Variants in CNTN6 observed in about 807,000 individuals in gnomAD.
The protein encoded by CNTN6 is contactin-6.
Under a neutral mutation model 122.8 loss-of-function variants are expected in CNTN6, and 137 were observed. The ratio of observed to expected loss-of-function variants is 1.12; its 90% CI spans 0.97 to 1.29. CNTN6 has a LOEUF of 1.29. CNTN6 is among the 50% of genes most tolerant of loss of function. CNTN6 has a pLI of 0.00. For synonymous variants in CNTN6, 570 were observed against 426.0 expected, an observed-to-expected ratio of 1.34 and a Z score of -4.16; for missense variants, 1,634 against 1,223.4, an observed-to-expected ratio of 1.34 and a Z score of -5.01.
chr3:1,129,499 T>C (rs2092276922), intron 1 of CNTN6, among the ~76,000 whole-genome samples: 1 of 152,080 alleles, frequency 6.6e-6, no homozygotes, highest in African/African-American at 2.4e-5. Context: ...TCCTGTTTTG[T>C]GACCTACAGT....
chr3:1,294,127 A>G (rs1460864268), intron 5 of CNTN6, among the ~76,000 whole-genome samples: 3 of 152,194 alleles, frequency 2.0e-5, no homozygotes, highest in Non-Finnish European at 4.4e-5. Flanking sequence ...ATAAAAATGT[A>G]TACAGACAGT....
At chr3:1,358,787 C>T (rs759912076) in intron 12 of CNTN6, among the ~76,000 whole-genome samples, 1 of 151,994 alleles carries the variant, frequency 6.6e-6, no homozygotes, top group East Asian at 1.9e-4. Flanking sequence ...TACAAAACTA[C>T]AGGCTGGGTG....
At chr3:1,154,940 G>T (rs555873893) in intron 2 of CNTN6, among the ~76,000 whole-genome samples, 21 of 152,142 alleles carry the variant, frequency 1.4e-4, no homozygotes, top group African/African-American at 4.8e-4. Flanking sequence ...TACCAAGATT[G>T]TTCTCTGCTT....
chr3:1,145,864 G>A (rs1339128932), intron 1 of CNTN6, among the ~76,000 whole-genome samples: 2 of 152,134 alleles, frequency 1.3e-5, no homozygotes, highest in Non-Finnish European at 2.9e-5. Context: ...TTGGATGTTT[G>A]TGAAATTGAA....
In CNTN6 at chr3:1,374,125, C is replaced by G. The variant is rs1036407159; in HGVS notation, c.2095+52C>G. The G allele has an allele frequency of 1.7e-5, 26 of 1,517,106 alleles. No homozygotes were observed. The African/African-American group carries it at 3.6e-4, about 21-fold the overall frequency. The allele number at this position is 1,517,106 out of a possible 1,614,324, so 94.0% of individuals were successfully genotyped here. A position where few individuals can be genotyped will look rare whatever the true frequency, so the allele number is the denominator to read the frequency against. On this transcript the variant is annotated intron_variant, in intron 16 of 22. Coordinates refer to ENST00000446702, the MANE Select transcript of CNTN6 (RefSeq NM_001289080.2). ...GTGGAAGATTTCGTATGATACAGTT[C>G]TTAAAACAAAACAAGTATTTTTATG...
At chr3:1,226,690 C>A (rs543603975) in intron 3 of CNTN6, among the ~76,000 whole-genome samples, 2 of 152,208 alleles carry the variant, frequency 1.3e-5, no homozygotes, top group South Asian at 4.1e-4. Flanking sequence ...TAAAAACACA[C>A]AGGTTTTCCT....
At chr3:1,399,158 T>C (rs556040992) in intron 20 of CNTN6, among the ~76,000 whole-genome samples, 1 of 152,262 alleles carries the variant, frequency 6.6e-6, no homozygotes, top group African/African-American at 2.4e-5. Context: ...ATTTGTATTT[T>C]CTCTGTATTG....
intron 4 of CNTN6, among the ~76,000 whole-genome samples, chr3:1,230,947 G>A (rs1035303519): frequency 3.3e-5 from 5 of 152,132 alleles, no homozygotes; most frequent in East Asian, 1.9e-4. Context: ...GTCCACATCC[G>A]CTTTTGCAAG....
chr3:1,307,984 G>T, intron 7 of CNTN6, among the ~76,000 whole-genome samples: 1 of 152,048 alleles, frequency 6.6e-6, no homozygotes, highest in East Asian at 1.9e-4. Context: ...CTGACTCTTT[G>T]GAAATGGGTG....
At chr3:1,228,453 A>T (rs2094313644) in intron 4 of CNTN6, among the ~76,000 whole-genome samples, 1 of 152,210 alleles carries the variant, frequency 6.6e-6, no homozygotes, top group African/African-American at 2.4e-5. Context: ...TGGTTGCCAA[A>T]GGCAGGCTTT....
At chr3:1,315,427 C>A (rs944608445) in intron 7 of CNTN6, among the ~76,000 whole-genome samples, 1 of 151,804 alleles carries the variant, frequency 6.6e-6, no homozygotes, top group Non-Finnish European at 1.5e-5. Context: ...CTCTGGAACT[C>A]TAAGTGGAGG....
intron 1 of CNTN6, among the ~76,000 whole-genome samples, chr3:1,132,658 A>AAAATAAATAAAT (rs71303111): frequency 0.27 from 38,330 of 144,172 alleles, 5,385 homozygotes; most frequent in Admixed American, 0.3. Context: ...CTCTGTCTAA[A>AAAATAAATAAAT]AAATAAATAA....
At chr3:1,308,879 C>T (rs184384369) in intron 7 of CNTN6, among the ~76,000 whole-genome samples, 14 of 152,170 alleles carry the variant, frequency 9.2e-5, no homozygotes, top group Middle Eastern at 3.4e-3. Context: ...AATTCTCTAA[C>T]GGCAAAGGAT....
chr3:1,102,067 A>C (rs2090926803), intron 1 of CNTN6, among the ~76,000 whole-genome samples: 1 of 152,190 alleles, frequency 6.6e-6, no homozygotes, highest in African/African-American at 2.4e-5. Context: ...AGATCAAATA[A>C]GATATTTGGT....
In CNTN6 at chr3:1,245,276, CACACACATATATATATAACATAT is replaced by C. The variant is rs2094558384; in HGVS notation, c.358+17285_358+17307del. On this transcript the variant is annotated intron_variant, in intron 4 of 22. Coordinates refer to ENST00000446702, the MANE Select transcript of CNTN6 (RefSeq NM_001289080.2). ...TATATAACATATATATATATATATA[CACACACATATATATATAACATAT>C]ATATATATATATATATATATATATA... 8.5e-4 allele frequency among the ~76,000 whole-genome samples: 6 copies of C among 7,096 alleles called. 1 individual carries two copies. The highest frequency in any genetic ancestry group is 3.3e-3 in the African/African-American group (6 of 1,818). 4.7% of individuals were successfully genotyped at this position (7,096 alleles called of 152,430 possible). A position where few individuals can be genotyped will look rare whatever the true frequency, so the allele number is the denominator to read the frequency against.
chr3:1,197,336 G>T (rs546631513), intron 2 of CNTN6, among the ~76,000 whole-genome samples: 2 of 152,296 alleles, frequency 1.3e-5, no homozygotes, highest in Admixed American at 1.3e-4. Flanking sequence ...CCATTCTCTG[G>T]ATGTAATAAT....
chr3:1,098,971 T>C (rs958437637), intron 1 of CNTN6, among the ~76,000 whole-genome samples: 1 of 150,896 alleles, frequency 6.6e-6, no homozygotes, highest in Non-Finnish European at 1.5e-5. Context: ...AGGGCCTACG[T>C]TGTAACTCTA....
intron 11 of CNTN6, among the ~76,000 whole-genome samples, chr3:1,348,754 A>G (rs1464824245): frequency 6.6e-6 from 1 of 151,934 alleles, no homozygotes; most frequent in Non-Finnish European, 1.5e-5. Context: ...TCCGCCATCT[A>G]GTGGGTACCT....
intron 7 of CNTN6, among the ~76,000 whole-genome samples, chr3:1,302,786 T>C (rs992211429): frequency 4.6e-5 from 7 of 152,192 alleles, no homozygotes; most frequent in Non-Finnish European, 8.8e-5. Flanking sequence ...TTCCTGAGTC[T>C]ATGGTTTGGT....
Sources: allele counts gnomAD v4.1 joint callset (sites outside exome capture counted in the v4.1 genomes callset), GRCh38; gene constraint gnomAD v4.1.1; transcripts MANE v1.5; gene names NCBI Gene and HGNC (gene_info 2026-07-23, HGNC 2026-07-21).